CDADC1: variants seen among roughly 807,000 people sequenced by gnomAD.
The protein encoded by CDADC1 is cytidine and dCMP deaminase domain containing 1, also known as dCTP deaminase.
A neutral mutation model predicts 54.9 loss-of-function variants in CDADC1; 39 were observed. That is an observed-to-expected ratio of 0.71 (90% CI 0.55 to 0.93). The LOEUF is 0.93. Ranked by LOEUF, CDADC1 falls within the 40% of genes least tolerant of loss-of-function variation. The pLI, the probability that CDADC1 is intolerant of heterozygous loss-of-function variation, is 0.00. For missense variants in CDADC1, 518 were observed against 618.8 expected (o/e 0.84, Z 1.73); for synonymous variants, 186 against 204.0 (o/e 0.91, Z 0.75).
chr13:49,292,769 C>A lies in CDADC1; in HGVS notation c.*1012C>A. 6 of 1,277,200 alleles carry A rather than the reference C, an allele frequency of 4.7e-6. No individual in the cohort carries two copies. The highest frequency in any genetic ancestry group is 6.1e-6 in the Non-Finnish European group (6 of 983,912). The allele number at this position is 1,277,200 out of a possible 1,614,324, so 79.1% of individuals were successfully genotyped here. A position where few individuals can be genotyped will look rare whatever the true frequency, so the allele number is the denominator to read the frequency against. On this transcript the variant is annotated 3_prime_UTR_variant, in exon 10 of 10. Transcript: ENST00000251108. ...CAAAAATGAAGGTACATTTTCTGTT[C>A]TCTCCTAGGTTAGAGAGGGGTGGCC...
intron 5 of CDADC1, among the ~76,000 whole-genome samples, chr13:49,273,371 T>C (rs142501997): frequency 1.3e-5 from 2 of 152,366 alleles, no homozygotes; most frequent in African/African-American, 4.8e-5. Flanking sequence ...GCCACTTAAC[T>C]ACCTTAGTCC....
At chr13:49,283,482 G>A (rs1231383158) in intron 8 of CDADC1, among the ~76,000 whole-genome samples, 3 of 152,168 alleles carry the variant, frequency 2.0e-5, no homozygotes, top group Non-Finnish European at 4.4e-5. Context: ...CCTGAAGAGT[G>A]TGAATAAATA....
At chr13:49,259,065 A>G (rs1183063887) in intron 3 of CDADC1, among the ~76,000 whole-genome samples, 1 of 152,182 alleles carries the variant, frequency 6.6e-6, no homozygotes, top group Non-Finnish European at 1.5e-5. Context: ...CTTGCCCTTT[A>G]CTAGGTTATA....
rs374949174 is a variant in CDADC1 at position 49,256,070 on chromosome 13, C to CT, written c.252+165dup. ...ATATTTACAAGACTATATGTCACTC[C>CT]TTTTTTTTAAAAAAAAAAGTACAGA... On this transcript the variant is annotated intron_variant, in intron 3 of 9. Transcript: ENST00000251108. Among the ~76,000 whole-genome samples the CT allele has an allele frequency of 1.2e-3, 27 of 21,706 alleles. No homozygotes were observed. In the East Asian group the frequency reaches 0.022, roughly 17 times the overall value. The allele number at this position is 21,706 out of a possible 152,430, so 14.2% of individuals were successfully genotyped here. A position where few individuals can be genotyped will look rare whatever the true frequency, so the allele number is the denominator to read the frequency against.
At chr13:49,285,531 T>G (rs903549400) in intron 8 of CDADC1, among the ~76,000 whole-genome samples, 4 of 152,152 alleles carry the variant, frequency 2.6e-5, no homozygotes, top group African/African-American at 9.7e-5. Flanking sequence ...TATTATAAGA[T>G]TCTCTAGGAC....
intron 8 of CDADC1, among the ~76,000 whole-genome samples, chr13:49,285,838 G>A (rs189697085): frequency 6.7e-6 from 1 of 149,804 alleles, no homozygotes; most frequent in East Asian, 2.0e-4. Flanking sequence ...TTTCAAGATG[G>A]AGGCTTGCTC....
intron 2 of CDADC1, among the ~76,000 whole-genome samples, chr13:49,253,927 C>T (rs1184976453): frequency 6.6e-6 from 1 of 152,156 alleles, no homozygotes; most frequent in Non-Finnish European, 1.5e-5. Flanking sequence ...AGCAATGTGG[C>T]ATAATGGTTA....
intron 7 of CDADC1, among the ~76,000 whole-genome samples, chr13:49,279,008 G>C (rs1173210764): frequency 1.3e-5 from 2 of 152,122 alleles, no homozygotes; most frequent in Non-Finnish European, 2.9e-5. Context: ...TTTATGTTCA[G>C]ATACGCAAAT....
In CDADC1 at chr13:49,259,338, T is replaced by TA. The variant is rs1952617341; in HGVS notation, c.253-6dup. On this transcript the variant is annotated splice_region_variant and splice_polypyrimidine_tract_variant and intron_variant, in intron 3 of 9. Transcript: ENST00000251108. ...ACTAATAAGTTGTTATTTTATATCT[T>TA]AATGTAGGTAAAGAGAACTGGTCTT... is the stretch of plus-strand genomic sequence containing the variant. The TA allele has an allele frequency of 6.3e-7, 1 of 1,583,484 alleles. No individual in the cohort carries two copies. Among genetic ancestry groups the TA allele is most frequent in the African/African-American group, 1.4e-5 (1 of 73,926 alleles).
chr13:49,260,268 G>C (rs1952646533), intron 4 of CDADC1, among the ~76,000 whole-genome samples: 1 of 152,172 alleles, frequency 6.6e-6, no homozygotes, highest in Non-Finnish European at 1.5e-5. Context: ...AAATTTCAGT[G>C]ACTTATGTAC....
intron 3 of CDADC1, among the ~76,000 whole-genome samples, chr13:49,258,991 A>G (rs1354464655): frequency 6.6e-6 from 1 of 152,230 alleles, no homozygotes; most frequent in Admixed American, 6.5e-5. Context: ...ATTACCATCT[A>G]GAAGCTTAAT....
Position 49,248,159 on chromosome 13 carries a change from G to T in CDADC1, c.82+40G>T, listed in dbSNP as rs1411477754. The T allele has an allele frequency of 6.7e-6, 10 of 1,492,384 alleles. No homozygotes were observed. The East Asian group carries it at 1.2e-4, about 18-fold the overall frequency. The allele number at this position is 1,492,384 out of a possible 1,614,324, so 92.4% of individuals were successfully genotyped here. On this transcript the variant is annotated intron_variant, in intron 1 of 9. Coordinates refer to ENST00000251108, the MANE Select transcript of CDADC1 (RefSeq NM_030911.4). Reference sequence around the variant, plus strand: ...CCCTGCTCCCGCCACCCTACCTTTCGCTCTGCCCTGTGCGTCTCCCGTCAT... The same window carrying T: ...CCCTGCTCCCGCCACCCTACCTTTCTCTCTGCCCTGTGCGTCTCCCGTCAT...
intron 8 of CDADC1, 78 bp from the exon 9 acceptor site, chr13:49,286,144 G>C: frequency 8.5e-7 from 1 of 1,174,788 alleles, no homozygotes; most frequent in South Asian, 1.3e-5. Context: ...AAGTTGTTTT[G>C]ATATTTAAAA....
chr13:49,264,927 CATT>C (rs1203409468), intron 4 of CDADC1, among the ~76,000 whole-genome samples: 1 of 152,126 alleles, frequency 6.6e-6, no homozygotes, highest in African/African-American at 2.4e-5. Context: ...GGCTGGGAGA[CATT>C]ATTTAACTTG....
rs141290601 is a variant in CDADC1 at position 49,290,494 on chromosome 13, C to T, written c.1472-1190C>T. 3.1e-3 allele frequency among the ~76,000 whole-genome samples: 476 copies of T among 152,162 alleles called. 2 individuals carry two copies. Among genetic ancestry groups the T allele is most frequent in the African/African-American group, 0.01 (432 of 41,498 alleles). On this transcript the variant is annotated intron_variant, in intron 9 of 9. Transcript: ENST00000251108. Reference sequence around the variant, plus strand: ...AGAGAGGGGTGGCTTTCCAGATCTACCTCTGGAAGGCAAGTCTGAGCCCTG... The same window carrying T: ...AGAGAGGGGTGGCTTTCCAGATCTATCTCTGGAAGGCAAGTCTGAGCCCTG...
Position 49,284,884 on chromosome 13 carries a change from A to G in CDADC1, c.1411-1338A>G, listed in dbSNP as rs1022024309. Among the ~76,000 whole-genome samples the G allele has an allele frequency of 5.9e-5, 9 of 152,328 alleles. No individual in the cohort carries two copies. The South Asian group carries it at 1.7e-3, about 28-fold the overall frequency. ...GTGCCCTAGCAGGGCCTTTTGGTTA[A>G]GTCATTAGTGATTCTGATAGAGATT... On this transcript the variant is annotated intron_variant, in intron 8 of 9. Coordinates refer to ENST00000251108, the MANE Select transcript of CDADC1 (RefSeq NM_030911.4).
At chr13:49,249,456 G>A (rs770862680) in intron 2 of CDADC1, among the ~76,000 whole-genome samples, 5 of 152,222 alleles carry the variant, frequency 3.3e-5, no homozygotes, top group Non-Finnish European at 7.3e-5. Context: ...GAAATGGGCT[G>A]TGTGCAGTGG....
chr13:49,280,835 TTTA>T (rs1555314935), intron 8 of CDADC1, 137 bp downstream of exon 8: 6 of 137,370 alleles, frequency 4.4e-5, no homozygotes, highest in Non-Finnish European at 6.4e-5. Flanking sequence ...TTATTATTAT[TTTA>T]TTATTATTAT....
chr13:49,290,867 T>A (rs989370749), intron 9 of CDADC1, among the ~76,000 whole-genome samples: 1 of 152,188 alleles, frequency 6.6e-6, no homozygotes, highest in African/African-American at 2.4e-5. Context: ...CATCAAGCTA[T>A]ACACTTTATG....
Sources: allele counts gnomAD v4.1 joint callset (sites outside exome capture counted in the v4.1 genomes callset), GRCh38; gene constraint gnomAD v4.1.1; transcripts MANE v1.5; gene names NCBI Gene and HGNC (gene_info 2026-07-23, HGNC 2026-07-21).